PRSS55: variants seen among roughly 807,000 people sequenced by gnomAD.
The protein encoded by PRSS55 is serine protease 55.
In PRSS55, 41 loss-of-function variants were observed where a neutral mutation model predicts 23.6. That is an observed-to-expected ratio of 1.74 (90% confidence interval 1.35 to 2.26). The LOEUF (loss-of-function observed/expected upper bound fraction) is 2.26. Ranked by LOEUF, PRSS55 falls within the 30% of genes most tolerant of loss-of-function variation. PRSS55 has a pLI of 0.00. For synonymous variants in PRSS55, 262 were observed against 175.5 expected (o/e 1.49, Z -3.90); for missense variants, 669 against 439.1 (o/e 1.52, Z -4.68).
chr8:10,550,801 C>A (rs1416051168), intron 4 of PRSS55, among the ~76,000 whole-genome samples: 1 of 152,222 alleles, frequency 6.6e-6, no homozygotes, highest in African/African-American at 2.4e-5. Flanking sequence ...AAAGACATGG[C>A]AGGTGTGTGT....
At chr8:10,544,524 T>C (rs575538136) in intron 4 of PRSS55, among the ~76,000 whole-genome samples, 3 of 152,230 alleles carry the variant, frequency 2.0e-5, no homozygotes, top group Non-Finnish European at 4.4e-5. Flanking sequence ...ATCATTGATA[T>C]AGTTTGATTT....
chr8:10,539,646 T>A (rs937774614), downstream of PRSS55, among the ~76,000 whole-genome samples: 2 of 152,190 alleles, frequency 1.3e-5, no homozygotes, highest in Non-Finnish European at 1.5e-5. Context: ...CTCATGGTAG[T>A]GAGTAAGTCT....
chr8:10,544,556 T>C (rs1012977733), intron 4 of PRSS55, among the ~76,000 whole-genome samples: 4 of 152,210 alleles, frequency 2.6e-5, no homozygotes, highest in African/African-American at 7.2e-5. Context: ...TTTGGTTGGT[T>C]TTCCTGTATG....
chr8:10,529,687 C>A lies in PRSS55; in HGVS notation c.335C>A (p.Ser112Tyr). The A allele has an allele frequency of 1.2e-6, 2 of 1,613,644 alleles. No individual in the cohort carries two copies. The highest frequency in any genetic ancestry group is 1.7e-6 in the Non-Finnish European group (2 of 1,179,606). ...CTCACTGCGGCTCACTGCTTATATT[C>A]CGAGGAGCTGTTGTAAGTACCATGG... ...WILTAAHCLY[S>Y]EELFPEELSV... The change falls in exon 2 of 5, where the codon TCC becomes TAC. Residue 112 changes from serine (S) to tyrosine (Y), a missense_variant. Physicochemically the swap from Ser to Tyr is moderately radical, Grantham distance 144. Transcript: ENST00000328655.
chr8:10,542,100 G>A (rs146094037), downstream of PRSS55, among the ~76,000 whole-genome samples: 1 of 152,166 alleles, frequency 6.6e-6, no homozygotes, highest in Non-Finnish European at 1.5e-5. Context: ...TGAAAGCAAC[G>A]TTTTGTCATG....
chr8:10,535,142 CA>C (rs1294835946), intron 4 of PRSS55, among the ~76,000 whole-genome samples: 1 of 152,084 alleles, frequency 6.6e-6, no homozygotes, highest in African/African-American at 2.4e-5. Context: ...CCATACTACC[CA>C]AAACAATTTA....
At chr8:10,543,664 G>A (rs1352567628), downstream of PRSS55, among the ~76,000 whole-genome samples, 1 of 151,376 alleles carries the variant, frequency 6.6e-6, no homozygotes, top group African/African-American at 2.4e-5. Flanking sequence ...CATCATATAA[G>A]CATTTACAGC....
At chr8:10,536,155 C>G (rs530044132) in intron 4 of PRSS55, among the ~76,000 whole-genome samples, 1 of 152,028 alleles carries the variant, frequency 6.6e-6, no homozygotes, top group Non-Finnish European at 1.5e-5. Flanking sequence ...CCACTGCACT[C>G]AAGCCTGGGT....
intron 4 of PRSS55, among the ~76,000 whole-genome samples, chr8:10,544,035 T>A (rs371917774): frequency 6.6e-6 from 1 of 152,206 alleles, no homozygotes; most frequent in Non-Finnish European, 1.5e-5. Flanking sequence ...GTTTATTAGG[T>A]CTAGCTGGTT....
chr8:10,535,322 A>G (rs567577447), intron 4 of PRSS55, among the ~76,000 whole-genome samples: 5 of 152,236 alleles, frequency 3.3e-5, no homozygotes, highest in Non-Finnish European at 7.3e-5. Flanking sequence ...AAACTATACT[A>G]CAGGGCTATG....
At chr8:10,530,414 G>T (rs11783577) in intron 2 of PRSS55, among the ~76,000 whole-genome samples, 12,095 of 152,332 alleles carry the variant, frequency 0.079, 615 homozygotes, top group African/African-American at 0.13. Context: ...GGCAGATGTT[G>T]CAGTGAGCCA....
intron 4 of PRSS55, among the ~76,000 whole-genome samples, chr8:10,551,149 GCT>G (rs1458891345): frequency 1.3e-5 from 2 of 152,180 alleles, no homozygotes; most frequent in Admixed American, 6.5e-5. Context: ...TCCTTTAAAA[GCT>G]GTCTGTGCTC....
chr8:10,541,447 T>G (rs1812653918), downstream of PRSS55: 1 of 152,220 alleles, frequency 6.6e-6, no homozygotes, highest in Non-Finnish European at 1.5e-5. Context: ...TCAGCTCTTC[T>G]GGGGCTCTGC....
downstream of PRSS55, among the ~76,000 whole-genome samples, chr8:10,542,945 C>A (rs1396873116): frequency 6.6e-6 from 1 of 150,750 alleles, no homozygotes; most frequent in African/African-American, 2.4e-5. Context: ...GCTCAGGTGT[C>A]TGTGGCTGTT....
At chr8:10,546,400 C>T (rs1812818951) in intron 4 of PRSS55, among the ~76,000 whole-genome samples, 1 of 152,122 alleles carries the variant, frequency 6.6e-6, no homozygotes, top group South Asian at 2.1e-4. Flanking sequence ...CTATCTCACC[C>T]CTAAATCCCT....
At chr8:10,544,680 T>A (rs894624268) in intron 4 of PRSS55, among the ~76,000 whole-genome samples, 3 of 152,244 alleles carry the variant, frequency 2.0e-5, no homozygotes, top group African/African-American at 7.2e-5. Context: ...TTTGAGTTGT[T>A]TTCTTAGTAG....
chr8:10,550,038 G>C (rs1387026081), intron 4 of PRSS55, among the ~76,000 whole-genome samples: 1 of 152,142 alleles, frequency 6.6e-6, no homozygotes, highest in Non-Finnish European at 1.5e-5. Context: ...TCCTGCCTCA[G>C]CCTCCCAAGT....
rs751308741 is a variant in PRSS55, at chr8:10,529,558, C to T, written c.206C>T (p.Thr69Ile). 1.7e-5 allele frequency: 28 copies of T among 1,614,042 alleles called. No individual in the cohort carries two copies. In the Admixed American group the frequency reaches 3.3e-4, roughly 19 times the overall value. The change falls in exon 2 of 5, where the codon ACA (threonine) becomes ATA (isoleucine). Residue 69 changes from threonine (T) to isoleucine (I), a missense_variant. Coordinates refer to ENST00000328655, the MANE Select transcript of PRSS55 (RefSeq NM_198464.4). ...GGAAGAACTCGGTATTCCAGAATCA[C>T]AGGGGGGATGGAGGCGGAGGTGGGT... ...FEGRTRYSRI[T>I]GGMEAEVGEF... is the part of the protein sequence containing the mutation.
In PRSS55 at chr8:10,525,721, C is replaced by T. The variant is rs79049699; in HGVS notation, c.136C>T (p.Pro46Ser). Reference sequence around the variant, plus strand: ...AGCCCACCGCCCTCAGCCCCCTCATCCCCCCAGCCCAGTCAGTGGTGAGTA... The same window carrying T: ...AGCCCACCGCCCTCAGCCCCCTCATTCCCCCAGCCCAGTCAGTGGTGAGTA... Reference protein sequence around the residue: ...RGAHRPQPPHPPSPVSECGDR... With the variant: ...RGAHRPQPPHSPSPVSECGDR... The change falls in exon 1 of 5, where the codon CCC becomes TCC. Residue 46 changes from proline to serine, a missense_variant. Pro to Ser is a moderately conservative substitution (Grantham distance 74). Coordinates refer to ENST00000328655, the MANE Select transcript of PRSS55 (RefSeq NM_198464.4). The T allele has an allele frequency of 1.2e-6, 2 of 1,606,356 alleles. No individual in the cohort carries two copies. Among genetic ancestry groups the T allele is most frequent in the Non-Finnish European group, 1.7e-6 (2 of 1,175,764 alleles).
Sources: gnomAD v4.1 joint callset for allele counts (sites outside exome capture counted in the v4.1 genomes callset) on GRCh38, gnomAD v4.1.1 for gene constraint, MANE v1.5 for transcripts, NCBI Gene and HGNC (gene_info 2026-07-23, HGNC 2026-07-21) for gene names.